RPRD1A: variants seen among roughly 807,000 people sequenced by gnomAD.
RPRD1A encodes the protein regulation of nuclear pre-mRNA domain containing 1A.
In RPRD1A, 9 loss-of-function variants were observed where a neutral mutation model predicts 37.8. The ratio of observed to expected loss-of-function variants is 0.24; its 90% confidence interval spans 0.14 to 0.42. The LOEUF (loss-of-function observed/expected upper bound fraction) is 0.42, where lower values mean the gene tolerates loss of function less well. Ranked by LOEUF, RPRD1A falls within the 10% of genes least tolerant of loss-of-function variation. The probability of loss-of-function intolerance (pLI) is 1.00; values close to 1 mark genes in which losing one functional copy is unlikely to be tolerated. For missense variants in RPRD1A, 255 were observed against 371.0 expected, an observed-to-expected ratio of 0.69 and a Z score of 2.57; for synonymous variants, 138 against 139.7, an observed-to-expected ratio of 0.99 and a Z score of 0.08.
At chr18:36,021,952 G>T (rs1003549233) in intron 6 of RPRD1A, among the ~76,000 whole-genome samples, 26 of 152,116 alleles carry the variant, frequency 1.7e-4, no homozygotes, top group Non-Finnish European at 3.2e-4. Context: ...AGTGAGCCGT[G>T]ATCAAGCCAC....
chr18:36,030,985 A>G lies in RPRD1A; in HGVS notation c.388+6T>C. ...TCAAGGTAAGAGATCAGGATTCTAC[A>G]CTTACACAGAGCTTGTTTAAGTTGT... is the stretch of plus-strand genomic sequence containing the variant. On this transcript the variant is annotated splice_donor_region_variant and intron_variant, in intron 3 of 6. Transcript: ENST00000399022. 5 of 1,594,680 alleles carry G rather than the reference A, an allele frequency of 3.1e-6. No homozygotes were observed. The highest frequency in any genetic ancestry group is 4.3e-6 in the Non-Finnish European group (5 of 1,172,170).
At chr18:36,056,700 T>TA (rs557718037) in intron 1 of RPRD1A, among the ~76,000 whole-genome samples, 15 of 151,090 alleles carry the variant, frequency 9.9e-5, no homozygotes, top group Admixed American at 2.6e-4. Flanking sequence ...ACCATTTTGT[T>TA]AAAAAAAAAT....
intron 6 of RPRD1A, among the ~76,000 whole-genome samples, chr18:36,015,275 TG>T (rs1351720222): frequency 6.7e-6 from 1 of 150,348 alleles, no homozygotes; most frequent in African/African-American, 2.5e-5. Flanking sequence ...TGCAGTGGCG[TG>T]ATCTCCGCTC....
rs377729072 is a variant in RPRD1A at position 36,029,741 on chromosome 18, C to T, written c.486+1067G>A. ...AAGATAATAATTCTAACTTATTTTT[C>T]CACAGAATTACATAGTTCTATATAG... On this transcript the variant is annotated intron_variant, in intron 4 of 6. Transcript: ENST00000399022. Among the ~76,000 whole-genome samples, 26 of 151,882 alleles carry T rather than the reference C, an allele frequency of 1.7e-4. No individual in the cohort carries two copies. In the East Asian group the frequency reaches 2.5e-3, roughly 15 times the overall value.
chr18:36,031,853 CAA>C (rs1330625300), intron 2 of RPRD1A, among the ~76,000 whole-genome samples: 1 of 152,174 alleles, frequency 6.6e-6, no homozygotes, highest in Non-Finnish European at 1.5e-5. Flanking sequence ...AGAATAAAAC[CAA>C]AATCCTTACT....
At chr18:36,005,225 C>T (rs1331450925) in intron 6 of RPRD1A, among the ~76,000 whole-genome samples, 1 of 151,296 alleles carries the variant, frequency 6.6e-6, no homozygotes, top group Non-Finnish European at 1.5e-5. Flanking sequence ...GGCGTGAGCC[C>T]GGGAGGTGGA....
At position 35,991,467 on chromosome 18, in the gene RPRD1A, C is replaced by T. The variant is rs1908712216; in HGVS notation, c.*1684G>A. The stretch of plus-strand genomic sequence containing the variant: ...TTAGAGCAGTGTTACAAATGCTGGT[C>T]AGGATCTATGATTAGTAACCTGTGA... On this transcript the variant is annotated 3_prime_UTR_variant, in exon 7 of 7. Coordinates refer to ENST00000399022, the MANE Select transcript of RPRD1A (RefSeq NM_018170.5). 1.3e-5 allele frequency: 2 copies of T among 152,296 alleles called. No homozygotes were observed. Among genetic ancestry groups the T allele is most frequent in the South Asian group, 4.1e-4 (2 of 4,828 alleles). 9.4% of individuals were successfully genotyped at this position (152,296 alleles called of 1,614,324 possible). A position where few individuals can be genotyped will look rare whatever the true frequency, so the allele number is the denominator to read the frequency against.
chr18:36,048,701 C>T (rs1228080659), intron 1 of RPRD1A, among the ~76,000 whole-genome samples: 1 of 150,278 alleles, frequency 6.7e-6, no homozygotes, highest in African/African-American at 2.4e-5. Flanking sequence ...GGAGAAAGAT[C>T]GAATGTTGAT....
At chr18:36,049,228 A>C (rs1408936207) in intron 1 of RPRD1A, among the ~76,000 whole-genome samples, 1 of 152,182 alleles carries the variant, frequency 6.6e-6, no homozygotes, top group Non-Finnish European at 1.5e-5. Context: ...TACAAGGAAA[A>C]AATGCACACA....
At chr18:36,066,414 A>G (rs2089032240) in intron 1 of RPRD1A, among the ~76,000 whole-genome samples, 1 of 152,242 alleles carries the variant, frequency 6.6e-6, no homozygotes, top group Non-Finnish European at 1.5e-5. Context: ...ACAATAATGA[A>G]GAGTGTCCAC....
chr18:35,998,997 A>T (rs1460816822), intron 6 of RPRD1A, among the ~76,000 whole-genome samples: 1 of 152,174 alleles, frequency 6.6e-6, no homozygotes, highest in Admixed American at 6.5e-5. Flanking sequence ...TCCAAATTTT[A>T]TATATTTTTC....
chr18:36,060,071 G>C (rs954296741), intron 1 of RPRD1A, among the ~76,000 whole-genome samples: 1 of 152,158 alleles, frequency 6.6e-6, no homozygotes, highest in African/African-American at 2.4e-5. Context: ...CCACTGAACT[G>C]TCAATTTAAA....
chr18:36,062,695 AC>A (rs1363942973), intron 1 of RPRD1A, among the ~76,000 whole-genome samples: 8 of 152,184 alleles, frequency 5.3e-5, no homozygotes, highest in African/African-American at 1.9e-4. Context: ...CACACAAAAG[AC>A]CACATACTAT....
chr18:36,031,116 AAAAAAAG>A lies in RPRD1A; in HGVS notation c.282-26_282-20del. 6.6e-7 allele frequency: 1 copy of A among 1,520,232 alleles called. No individual in the cohort carries two copies. Among genetic ancestry groups the A allele is most frequent in the Non-Finnish European group, 8.8e-7 (1 of 1,139,574 alleles). The allele number at this position is 1,520,232 out of a possible 1,614,324, so 94.2% of individuals were successfully genotyped here. ...AGTTTCACTAAAAAAAAAAAAAAAG[AAAAAAAG>A]AAAAATGTTAACAGTAACAATGCAT... On this transcript the variant is annotated intron_variant, in intron 2 of 6. Coordinates refer to ENST00000399022, the MANE Select transcript of RPRD1A (RefSeq NM_018170.5).
chr18:35,998,661 C>G (rs1909238625), intron 6 of RPRD1A, among the ~76,000 whole-genome samples: 1 of 152,138 alleles, frequency 6.6e-6, no homozygotes. Flanking sequence ...TGATCATATC[C>G]AAGCCCCTCC....
intron 1 of RPRD1A, among the ~76,000 whole-genome samples, chr18:36,060,137 A>C (rs1434241659): frequency 6.6e-6 from 1 of 152,234 alleles, no homozygotes; most frequent in Non-Finnish European, 1.5e-5. Context: ...AAGCAAATGA[A>C]AAATGTTCTT....
chr18:36,040,836 T>C lies in RPRD1A; in HGVS notation c.152-6999A>G, dbSNP rs562187656. 60 of 1,524,542 alleles carry C rather than the reference T, an allele frequency of 3.9e-5. No homozygotes were observed. In the Middle Eastern group the frequency reaches 5.0e-4, roughly 13 times the overall value. 94.4% of individuals were successfully genotyped at this position (1,524,542 alleles called of 1,614,324 possible). On this transcript the variant is annotated intron_variant, in intron 1 of 6. Coordinates refer to ENST00000399022, the MANE Select transcript of RPRD1A (RefSeq NM_018170.5). ...AATTCCTGTTTGACAAAATCTCCAA[T>C]TGGAATTTCTCATTTGTTGCACCTC...
At chr18:36,035,710 T>C (rs938126233) in intron 1 of RPRD1A, among the ~76,000 whole-genome samples, 2 of 152,210 alleles carry the variant, frequency 1.3e-5, no homozygotes, top group Admixed American at 1.3e-4. Context: ...CACTGATCAA[T>C]GAATAAACAA....
At chr18:36,034,405 A>T (rs1364253881) in intron 1 of RPRD1A, among the ~76,000 whole-genome samples, 2 of 152,190 alleles carry the variant, frequency 1.3e-5, no homozygotes, top group East Asian at 3.8e-4. Flanking sequence ...AACTGAATTC[A>T]TTATGACAAA....
Sources: gnomAD v4.1 joint callset for allele counts (sites outside exome capture counted in the v4.1 genomes callset) on GRCh38, gnomAD v4.1.1 for gene constraint, MANE v1.5 for transcripts, NCBI Gene and HGNC (gene_info 2026-07-23, HGNC 2026-07-21) for gene names.